CHN1: variants seen among roughly 807,000 people sequenced by gnomAD.
The protein encoded by CHN1 is chimerin 1, also known as N-chimaerin.
Under a neutral mutation model 59.5 loss-of-function variants are expected in CHN1, and 37 were observed. The observed-to-expected ratio is 0.62, with a 90% confidence interval of 0.48 to 0.82. CHN1 has a LOEUF of 0.82. Among genes scored for constraint, CHN1 ranks in the 40% least tolerant of loss-of-function variants. CHN1 has a pLI of 0.00. For missense variants in CHN1, 469 were observed against 571.0 expected (o/e 0.82, Z 1.82); for synonymous variants, 206 against 200.4 (o/e 1.03, Z -0.24).
At chr2:174,904,577 G>A (rs1688487491) in intron 5 of CHN1, among the ~76,000 whole-genome samples, 1 of 152,004 alleles carries the variant, frequency 6.6e-6, no homozygotes, top group African/African-American at 2.4e-5. Flanking sequence ...TAGTAGAGAC[G>A]GGGTTTCTCC....
chr2:175,001,081 GACTAAA>G (rs1292598610), intron 1 of CHN1, among the ~76,000 whole-genome samples: 2 of 152,166 alleles, frequency 1.3e-5, no homozygotes, highest in Non-Finnish European at 2.9e-5. Context: ...CACCATGTCT[GACTAAA>G]ATATTAAGTT....
intron 8 of CHN1, among the ~76,000 whole-genome samples, chr2:174,814,936 C>T (rs1172264564): frequency 6.6e-6 from 1 of 152,106 alleles, no homozygotes; most frequent in Non-Finnish European, 1.5e-5. Context: ...ACTGCTTTCA[C>T]CATATTTGGG....
intron 3 of CHN1, among the ~76,000 whole-genome samples, chr2:174,929,372 G>A (rs1452850862): frequency 1.3e-5 from 2 of 152,160 alleles, no homozygotes; most frequent in Admixed American, 1.3e-4. Flanking sequence ...GAAGTCAGAA[G>A]TTCAAGACCA....
chr2:174,921,318 G>C (rs1230091345), intron 3 of CHN1, among the ~76,000 whole-genome samples: 1 of 152,026 alleles, frequency 6.6e-6, no homozygotes, highest in African/African-American at 2.4e-5. Flanking sequence ...CCTGCATATT[G>C]GCGGTTGAAC....
rs1691251810 is a variant in CHN1 at position 174,984,032 on chromosome 2, G to A, written c.19+20862C>T. ...TATAAATCTAAACAGAGAAAAAAAG[G>A]GAGCATCTACTGCTCCACGCAAGTT... On this transcript the variant is annotated intron_variant, in intron 1 of 12. Transcript: ENST00000409900. 4.0e-5 allele frequency among the ~76,000 whole-genome samples: 6 copies of A among 151,702 alleles called. No individual in the cohort carries two copies. The South Asian group carries it at 1.2e-3, about 31-fold the overall frequency.
intron 1 of CHN1, among the ~76,000 whole-genome samples, chr2:174,992,392 C>A (rs1429556875): frequency 6.6e-6 from 1 of 152,132 alleles, no homozygotes; most frequent in Admixed American, 6.5e-5. Context: ...AAGGTCAGTT[C>A]TTGAAAAGCA....
At chr2:174,955,195 T>TATAG (rs964787999) in intron 1 of CHN1, among the ~76,000 whole-genome samples, 141 of 99,398 alleles carry the variant, frequency 1.4e-3, no homozygotes, top group African/African-American at 6.2e-3. Flanking sequence ...TATATATATA[T>TATAG]ATATAATTGA....
At chr2:174,834,327 A>AAAT (rs1685993084) in intron 7 of CHN1, among the ~76,000 whole-genome samples, 1 of 152,186 alleles carries the variant, frequency 6.6e-6, no homozygotes, top group Non-Finnish European at 1.5e-5. Context: ...AATATCTTTT[A>AAAT]AAGTTACCCA....
intron 7 of CHN1, among the ~76,000 whole-genome samples, chr2:174,834,014 CA>C (rs1221969804): frequency 6.6e-6 from 1 of 152,192 alleles, no homozygotes; most frequent in African/African-American, 2.4e-5. Context: ...CCACGTGCCT[CA>C]GGCTAGTCTC....
chr2:174,947,552 A>G (rs1469367841), intron 2 of CHN1, among the ~76,000 whole-genome samples: 1 of 149,714 alleles, frequency 6.7e-6, no homozygotes, highest in Non-Finnish European at 1.5e-5. Flanking sequence ...TGGCACACAC[A>G]TGACTCACTG....
chr2:174,895,548 T>G (rs1252411996), intron 5 of CHN1, among the ~76,000 whole-genome samples: 1 of 152,032 alleles, frequency 6.6e-6, no homozygotes, highest in Non-Finnish European at 1.5e-5. Context: ...ACTTAAAAAT[T>G]ATTAAGTTAA....
intron 4 of CHN1, among the ~76,000 whole-genome samples, chr2:174,915,917 A>G (rs928668943): frequency 1.3e-5 from 2 of 152,256 alleles, no homozygotes; most frequent in Admixed American, 1.3e-4. Context: ...CAAAGAACCT[A>G]TATGTCCTTC....
chr2:174,978,614 T>C (rs1426159216), intron 1 of CHN1, among the ~76,000 whole-genome samples: 10 of 152,236 alleles, frequency 6.6e-5, no homozygotes. Flanking sequence ...TTGTAAATAC[T>C]AATTCCAGGC....
intron 2 of CHN1, among the ~76,000 whole-genome samples, chr2:174,949,848 T>C (rs1274427269): frequency 6.6e-6 from 1 of 152,200 alleles, no homozygotes; most frequent in Non-Finnish European, 1.5e-5. Context: ...AGTCAAAAGA[T>C]AAAATATCTA....
At chr2:175,000,120 A>C (rs1691838263) in intron 1 of CHN1, among the ~76,000 whole-genome samples, 1 of 150,752 alleles carries the variant, frequency 6.6e-6, no homozygotes, top group Non-Finnish European at 1.5e-5. Context: ...ACAGGCATGC[A>C]TCACCACACC....
At chr2:174,898,599 G>T (rs944737969) in intron 5 of CHN1, among the ~76,000 whole-genome samples, 7 of 152,052 alleles carry the variant, frequency 4.6e-5, no homozygotes, top group Non-Finnish European at 1.0e-4. Context: ...GCGAGACTCC[G>T]TCTCAAAAAA....
At chr2:174,923,164 G>A (rs753872073) in intron 3 of CHN1, among the ~76,000 whole-genome samples, 19 of 150,408 alleles carry the variant, frequency 1.3e-4, no homozygotes, top group African/African-American at 3.2e-4. Context: ...TTTTTGAGAC[G>A]GAGTCTCGCT....
intron 6 of CHN1, among the ~76,000 whole-genome samples, chr2:174,874,745 C>T (rs937475782): frequency 6.6e-6 from 1 of 151,888 alleles, no homozygotes; most frequent in Non-Finnish European, 1.5e-5. Context: ...CAAAAATGTT[C>T]TTAATAATGG....
intron 1 of CHN1, among the ~76,000 whole-genome samples, chr2:174,959,420 G>A (rs577327767): frequency 3.2e-4 from 48 of 152,160 alleles, no homozygotes; most frequent in Non-Finnish European, 6.5e-4. Context: ...ACTCAGGGGA[G>A]GAGGGGACAC....
Sources: allele counts gnomAD v4.1 joint callset (sites outside exome capture counted in the v4.1 genomes callset), GRCh38; gene constraint gnomAD v4.1.1; transcripts MANE v1.5; gene names NCBI Gene and HGNC (gene_info 2026-07-23, HGNC 2026-07-21).